FREM1: variants seen among roughly 807,000 people sequenced by gnomAD.
The protein encoded by FREM1 is FRAS1-related extracellular matrix protein 1.
FREM1 carries 220 observed loss-of-function variants against 210.1 expected under a neutral mutation model. That is an observed-to-expected ratio of 1.05 (90% CI 0.94 to 1.17). The LOEUF (loss-of-function observed/expected upper bound fraction) is 1.17. Among genes scored for constraint, FREM1 ranks in the 50% most tolerant of loss-of-function variants. FREM1 has a pLI of 0.00. For synonymous variants in FREM1, 1,189 were observed against 980.2 expected, an observed-to-expected ratio of 1.21 and a Z score of -3.98; for missense variants, 3,454 against 2,675.5, an observed-to-expected ratio of 1.29 and a Z score of -6.42.
chr9:14,810,295 T>C (rs542919343), intron 16 of FREM1, among the ~76,000 whole-genome samples: 1 of 152,204 alleles, frequency 6.6e-6, no homozygotes, highest in South Asian at 2.1e-4. Flanking sequence ...TTCTCTATAA[T>C]GGAAGCATAG....
chr9:14,777,417 A>G (rs1340824292), intron 24 of FREM1, among the ~76,000 whole-genome samples: 1 of 152,232 alleles, frequency 6.6e-6, no homozygotes, highest in East Asian at 1.9e-4. Flanking sequence ...AATGGGACTG[A>G]CAAATTCACT....
intron 7 of FREM1, among the ~76,000 whole-genome samples, chr9:14,846,778 G>C (rs1826699574): frequency 6.6e-6 from 1 of 152,206 alleles, no homozygotes; most frequent in Non-Finnish European, 1.5e-5. Flanking sequence ...AAGGTAGCGT[G>C]CTGCTGGACT....
chr9:14,772,115 A>C (rs929523980), intron 25 of FREM1, among the ~76,000 whole-genome samples: 3 of 152,054 alleles, frequency 2.0e-5, no homozygotes. Flanking sequence ...TTAAAAAAAA[A>C]CAGAAATAAT....
At chr9:14,900,242 G>T (rs1838530928) in intron 1 of FREM1, among the ~76,000 whole-genome samples, 1 of 152,200 alleles carries the variant, frequency 6.6e-6, no homozygotes, top group South Asian at 2.1e-4. Flanking sequence ...CAGAGTTTCT[G>T]ATTTAATTTG....
chr9:14,762,838 C>A (rs1247442277), intron 27 of FREM1, among the ~76,000 whole-genome samples: 1 of 147,538 alleles, frequency 6.8e-6, no homozygotes, highest in Non-Finnish European at 1.5e-5. Context: ...AAACTGTACA[C>A]AAACACCTGG....
intron 1 of FREM1, among the ~76,000 whole-genome samples, chr9:14,878,377 C>A (rs141350600): frequency 6.6e-6 from 1 of 152,060 alleles, no homozygotes; most frequent in African/African-American, 2.4e-5. Context: ...CTGACTTGAA[C>A]GTTCTTCCCC....
At chr9:14,860,286 G>A (rs1173880297) in intron 3 of FREM1, among the ~76,000 whole-genome samples, 3 of 152,024 alleles carry the variant, frequency 2.0e-5, no homozygotes, top group Admixed American at 6.6e-5. Context: ...TGGAGAAGGA[G>A]AAGCAGTAAG....
rs1021201136 is a variant in FREM1 at position 14,868,916 on chromosome 9, G to T, written c.62C>A (p.Ala21Asp). ...GTTGATGCTGATGAAGGTGGGGCTGGCCCAGGCCAGGAGGAGCAGCAGCAG... is the reference window on the plus strand; with the variant it reads ...GTTGATGCTGATGAAGGTGGGGCTGTCCCAGGCCAGGAGGAGCAGCAGCAG... ...AVLLLLLLAW[A>D]SPTFISINRG... Residue 21 changes from alanine to aspartate, a missense_variant, in exon 2 of 37, where the codon GCC becomes GAC. Physicochemically the swap from Ala to Asp is moderately radical, Grantham distance 126 (BLOSUM62 -2). Transcript: ENST00000380880. 6.2e-7 allele frequency: 1 copy of T among 1,604,406 alleles called. No individual in the cohort carries two copies. Among genetic ancestry groups the T allele is most frequent in the Non-Finnish European group, 8.5e-7 (1 of 1,176,132 alleles).
chr9:14,740,183 G>C lies in FREM1; in HGVS notation c.6306C>G (p.Leu2102=). 1.2e-6 allele frequency: 2 copies of C among 1,613,244 alleles called. No homozygotes were observed. Among genetic ancestry groups the C allele is most frequent in the Non-Finnish European group, 1.7e-6 (2 of 1,179,480 alleles). ...AGGACTTTCTCCCACCAATGTCCCA[G>C]AGCCACCGCATGTGCTGCCTGGAGA... ...TVFSRQHMRW[L]WDIGGRKSFW... is the part of the protein sequence containing the mutation. Residue 2102 remains leucine, a synonymous_variant, in exon 36 of 37, where the codon CTC becomes CTG. Coordinates refer to ENST00000380880, the MANE Select transcript of FREM1 (RefSeq NM_001379081.2).
intron 1 of FREM1, among the ~76,000 whole-genome samples, chr9:14,871,515 T>C (rs1176428649): frequency 6.6e-6 from 1 of 152,200 alleles, no homozygotes; most frequent in African/African-American, 2.4e-5. Flanking sequence ...TGTTTTTTTC[T>C]TGTAAATTTG....
chr9:14,874,252 A>G (rs1340448541), intron 1 of FREM1, among the ~76,000 whole-genome samples: 3 of 151,900 alleles, frequency 2.0e-5, no homozygotes, highest in Non-Finnish European at 2.9e-5. Context: ...GATCTGTCTA[A>G]TGTTGACAGT....
At chr9:14,780,513 G>T (rs1418396940) in intron 24 of FREM1, among the ~76,000 whole-genome samples, 2 of 149,618 alleles carry the variant, frequency 1.3e-5, no homozygotes, top group African/African-American at 4.9e-5. Context: ...GCTGCCAGCA[G>T]CTGAAGTCAG....
chr9:14,807,959 C>A lies in FREM1; in HGVS notation c.3069G>T (p.Gln1023His). 1 of 1,612,790 alleles carries A rather than the reference C, an allele frequency of 6.2e-7. No homozygotes were observed. The highest frequency in any genetic ancestry group is 8.5e-7 in the Non-Finnish European group (1 of 1,179,152). ...TGTCACCTATTGCAATGGAAGGTGG[C>A]TGGTTGTCTACTGGGTATACCGTGA... Reference protein sequence around the residue: ...LNITVYPVDNQPPSIAIGPVF... With the variant: ...LNITVYPVDNHPPSIAIGPVF... Residue 1023 changes from glutamine (Q) to histidine (H), a missense_variant, in exon 17 of 37, where the codon CAG becomes CAT. Physicochemically the swap from Gln to His is conservative, Grantham distance 24 (BLOSUM62 0). Coordinates refer to ENST00000380880, the MANE Select transcript of FREM1 (RefSeq NM_001379081.2).
chr9:14,798,380 G>A (rs1032883739), intron 20 of FREM1, among the ~76,000 whole-genome samples: 1 of 152,170 alleles, frequency 6.6e-6, no homozygotes, highest in African/African-American at 2.4e-5. Flanking sequence ...CGGGGCTCAA[G>A]TGGGAGGATC....
intron 35 of FREM1, among the ~76,000 whole-genome samples, chr9:14,745,804 T>G (rs887698760): frequency 6.6e-6 from 1 of 152,234 alleles, no homozygotes; most frequent in Non-Finnish European, 1.5e-5. Context: ...TGGTTGTCAT[T>G]CTCTGACCAT....
In FREM1 at chr9:14,797,612, G is replaced by A. The variant is rs768288417; in HGVS notation, c.3725C>T (p.Ser1242Leu). 2 of 1,611,906 alleles carry A rather than the reference G, an allele frequency of 1.2e-6. No homozygotes were observed. Among genetic ancestry groups the A allele is most frequent in the Non-Finnish European group, 1.7e-6 (2 of 1,178,690 alleles). The change falls in exon 21 of 37, where the codon TCA becomes TTA. Residue 1242 changes from serine to leucine, a missense_variant. Ser to Leu is a moderately radical substitution (Grantham distance 145). Transcript: ENST00000380880. ...TGTAAAATCATCAGCAAGGCTCTCT[G>A]AGTCATCATGCATGTACGTCAACCT... The part of the protein sequence containing the change: ...GMRLTYMHDD[S>L]ESLADDFTIQ...
At chr9:14,755,995 C>A (rs1004861123) in intron 29 of FREM1, among the ~76,000 whole-genome samples, 5 of 152,108 alleles carry the variant, frequency 3.3e-5, no homozygotes, top group African/African-American at 1.2e-4. Context: ...TTTAGGAATC[C>A]ATATAAACAT....
At chr9:14,856,459 A>C (rs1256227069) in intron 5 of FREM1, among the ~76,000 whole-genome samples, 1 of 152,204 alleles carries the variant, frequency 6.6e-6, no homozygotes, top group Non-Finnish European at 1.5e-5. Context: ...TCCTTGGGGT[A>C]ATAATGTTCA....
intron 5 of FREM1, 109 bp downstream of exon 5, chr9:14,857,444 C>A (rs2131522022): frequency 1.0e-6 from 1 of 981,704 alleles, no homozygotes; most frequent in Non-Finnish European, 1.7e-6. Context: ...GTTTTACCCC[C>A]AAAAGCACAG....
Sources: gnomAD v4.1 joint callset for allele counts (sites outside exome capture counted in the v4.1 genomes callset) on GRCh38, gnomAD v4.1.1 for gene constraint, MANE v1.5 for transcripts, NCBI Gene and HGNC (gene_info 2026-07-23, HGNC 2026-07-21) for gene names.